FCER1G: variants seen among roughly 807,000 people sequenced by gnomAD.
FCER1G encodes the protein Fc epsilon receptor Ig.
A neutral mutation model predicts 17.3 loss-of-function variants in FCER1G; 7 were observed. The ratio of observed to expected loss-of-function variants is 0.40; its 90% CI spans 0.23 to 0.76. The LOEUF is 0.76. Among genes scored for constraint, FCER1G ranks in the 30% least tolerant of loss-of-function variants. The pLI is 0.35. For missense variants in FCER1G, 87 were observed against 97.7 expected (o/e 0.89, Z 0.46); for synonymous variants, 35 against 38.7 (o/e 0.90, Z 0.35).
intron 1 of FCER1G, 44 bp from the exon 2 acceptor site, chr1:161,217,942 C>T: frequency 7.4e-7 from 1 of 1,345,082 alleles, no homozygotes; most frequent in Non-Finnish European, 1.1e-6. Context: ...GTACCAGATC[C>T]TCCCTGATAC....
In FCER1G at chr1:161,216,307, G is replaced by T. The variant is rs187407187; in HGVS notation, c.49+937G>T. ...AGCCTGGGGGACAGAGTGAGACTCC[G>T]TCTCAAAAAAAAAAAAAAGATTTTA... On this transcript the variant is annotated intron_variant, in intron 1 of 4. Transcript: ENST00000289902. Among the ~76,000 whole-genome samples the T allele has an allele frequency of 7.5e-4, 106 of 140,954 alleles. 1 individual carries two copies. The East Asian group carries it at 0.021, about 28-fold the overall frequency. The allele number at this position is 140,954 out of a possible 152,430, so 92.5% of individuals were successfully genotyped here. A position where few individuals can be genotyped will look rare whatever the true frequency, so the allele number is the denominator to read the frequency against.
chr1:161,218,544 T>C (rs969927542), intron 3 of FCER1G, among the ~76,000 whole-genome samples, 159 bp from the exon 4 acceptor site: 15 of 152,190 alleles, frequency 9.9e-5, no homozygotes, highest in Admixed American at 9.8e-4. Flanking sequence ...TGTAGCCATG[T>C]GGGCAAACAG....
chr1:161,216,419 T>TAGAGAG (rs1188468786), intron 1 of FCER1G, among the ~76,000 whole-genome samples: 1 of 142,486 alleles, frequency 7.0e-6, no homozygotes, highest in East Asian at 2.4e-4. Context: ...CACATATATA[T>TAGAGAG]ATATATATAG....
Position 161,217,991 on chromosome 1 carries a change from C to T in FCER1G, c.55C>T (p.Leu19=). 6.2e-7 allele frequency: 1 copy of T among 1,612,762 alleles called. No homozygotes were observed. Among genetic ancestry groups the T allele is most frequent in the East Asian group, 2.2e-5 (1 of 44,870 alleles). The change falls in exon 2 of 5, where the codon CTG becomes TTG. Residue 19 remains leucine (L), a synonymous_variant. Transcript: ENST00000289902. ...LLLLVEQAAA[L]GEPQLCYILD... Reference sequence around the variant, plus strand: ...GGCATCCTCTATCCCCTCAGCGGCCCTGGGAGAGCCTCAGCTCTGCTATAT... The same window carrying T: ...GGCATCCTCTATCCCCTCAGCGGCCTTGGGAGAGCCTCAGCTCTGCTATAT...
chr1:161,216,377 T>TACAC (rs57711151), intron 1 of FCER1G, among the ~76,000 whole-genome samples: 1,799 of 120,436 alleles, frequency 0.015, 21 homozygotes, highest in African/African-American at 0.031. Flanking sequence ...CACACACACA[T>TACAC]ACACACACAC....
Position 161,219,043 on chromosome 1 carries a change from C to G in FCER1G, c.*100C>G. Reference sequence around the variant, plus strand: ...CTGCATGCCATTAACACCAGCTGGCCCTACCCCTATAATGATCCTGTGTCC... The same window carrying G: ...CTGCATGCCATTAACACCAGCTGGCGCTACCCCTATAATGATCCTGTGTCC... On this transcript the variant is annotated 3_prime_UTR_variant, in exon 5 of 5. Coordinates refer to ENST00000289902, the MANE Select transcript of FCER1G (RefSeq NM_004106.2). The G allele has an allele frequency of 1.2e-6, 1 of 852,920 alleles. No homozygotes were observed. The highest frequency in any genetic ancestry group is 2.0e-6 in the Non-Finnish European group (1 of 500,044). 52.8% of individuals were successfully genotyped at this position (852,920 alleles called of 1,614,324 possible). A position where few individuals can be genotyped will look rare whatever the true frequency, so the allele number is the denominator to read the frequency against.
At chr1:161,218,379 G>A in intron 3 of FCER1G, 103 bp downstream of exon 3, 1 of 964,212 alleles carries the variant, frequency 1.0e-6, no homozygotes, top group Non-Finnish European at 1.7e-6. Context: ...TGCCTCTCAG[G>A]TGCTGATCTG....
chr1:161,218,712 G>A lies in FCER1G; in HGVS notation c.187G>A (p.Gly63Ser), dbSNP rs1326682490. 2.5e-6 allele frequency: 4 copies of A among 1,614,038 alleles called. No individual in the cohort carries two copies. The African/African-American group carries it at 4.0e-5, about 16-fold the overall frequency. The change falls in exon 4 of 5, where the codon GGT becomes AGT. Residue 63 changes from glycine (G) to serine (S), a missense_variant. Transcript: ENST00000289902. ...AAITSYEKSD[G>S]VYTGLSTRNQ... is the part of the protein sequence containing the mutation. Reference sequence around the variant, plus strand: ...TCTTTTGTCTCTGCAGAAATCAGATGGTGTTTACACGGTAAGTGTGCCTAC... The same window carrying A: ...TCTTTTGTCTCTGCAGAAATCAGATAGTGTTTACACGGTAAGTGTGCCTAC...
intron 1 of FCER1G, among the ~76,000 whole-genome samples, chr1:161,216,342 CTCTA>C (rs530290249): frequency 1.2e-3 from 184 of 148,322 alleles, no homozygotes; most frequent in African/African-American, 3.7e-3. Context: ...ACATATATAT[CTCTA>C]TCTATCTATC....
rs1368658247 is a variant in FCER1G at position 161,215,335 on chromosome 1, T to C, written c.14T>C (p.Val5Ala). The stretch of plus-strand genomic sequence containing the variant: ...CTCCAGCCCAAGATGATTCCAGCAG[T>C]GGTCTTGCTCTTACTCCTTTTGGTT... MIPAVVLLLLLLVEQ... is the reference protein window; with the variant it reads MIPAAVLLLLLLVEQ... Residue 5 changes from valine (V) to alanine (A), a missense_variant, in exon 1 of 5, where the codon GTG becomes GCG. Physicochemically the swap from Val to Ala is moderately conservative, Grantham distance 64. Coordinates refer to ENST00000289902, the MANE Select transcript of FCER1G (RefSeq NM_004106.2). 1 of 1,613,664 alleles carries C rather than the reference T, an allele frequency of 6.2e-7. No homozygotes were observed. Among genetic ancestry groups the C allele is most frequent in the Non-Finnish European group, 8.5e-7 (1 of 1,179,756 alleles).
chr1:161,217,331 C>T (rs925521691), intron 1 of FCER1G, among the ~76,000 whole-genome samples: 7 of 151,670 alleles, frequency 4.6e-5, no homozygotes, highest in Non-Finnish European at 8.8e-5. Context: ...GTCATTCCCC[C>T]AGCCTTGTGT....
In FCER1G at chr1:161,218,796, C is replaced by A. The variant is rs970379825; in HGVS notation, c.198+73C>A. 11 of 1,446,972 alleles carry A rather than the reference C, an allele frequency of 7.6e-6. No homozygotes were observed. In the Admixed American group the frequency reaches 1.7e-4, roughly 23 times the overall value. The allele number at this position is 1,446,972 out of a possible 1,614,324, so 89.6% of individuals were successfully genotyped here. ...GGATTTTGAGCGATCTTTGGAAGGC[C>A]GGTGGGGGGAGGGGGGTCCTGTGGA... On this transcript the variant is annotated intron_variant, in intron 4 of 4. Transcript: ENST00000289902.
At chr1:161,216,842 A>T (rs1032882316) in intron 1 of FCER1G, among the ~76,000 whole-genome samples, 1 of 152,174 alleles carries the variant, frequency 6.6e-6, no homozygotes, top group Non-Finnish European at 1.5e-5. Context: ...CCAGCAGCCT[A>T]GCTGAGAAGG....
chr1:161,215,649 G>T (rs1014391437), intron 1 of FCER1G, among the ~76,000 whole-genome samples: 10 of 152,060 alleles, frequency 6.6e-5, no homozygotes, highest in Admixed American at 3.3e-4. Flanking sequence ...CTGGAGTGCA[G>T]TGGCGCAATC....
Position 161,219,110 on chromosome 1 carries a change from C to G in FCER1G, c.*167C>G, listed in dbSNP as rs2102065683. 1.6e-6 allele frequency: 1 copy of G among 618,622 alleles called. No individual in the cohort carries two copies. The highest frequency in any genetic ancestry group is 2.8e-5 in the East Asian group (1 of 36,352). The allele number at this position is 618,622 out of a possible 1,614,324, so 38.3% of individuals were successfully genotyped here. A position where few individuals can be genotyped will look rare whatever the true frequency, so the allele number is the denominator to read the frequency against. On this transcript the variant is annotated 3_prime_UTR_variant, in exon 5 of 5. Transcript: ENST00000289902. The stretch of plus-strand genomic sequence containing the variant: ...AGTGGTTCCTCCTCCCTGTTAAAGA[C>G]TAATGCTCAGATGCTGTTTACGGAT...
chr1:161,216,716 G>C (rs1177525142), intron 1 of FCER1G, among the ~76,000 whole-genome samples: 5 of 152,198 alleles, frequency 3.3e-5, no homozygotes, highest in Admixed American at 3.3e-4. Flanking sequence ...TTCACTCTGT[G>C]TTGTCTGTGC....
Position 161,218,391 on chromosome 1 carries a change from A to G in FCER1G, c.177+115A>G, listed in dbSNP as rs911158663. The stretch of plus-strand genomic sequence containing the variant: ...GCCTGCCTCTCAGGTGCTGATCTGC[A>G]TACACCTCAGAGGCCTCCCTCCCAC... On this transcript the variant is annotated intron_variant, in intron 3 of 4. Transcript: ENST00000289902. 25 of 884,134 alleles carry G rather than the reference A, an allele frequency of 2.8e-5. No individual in the cohort carries two copies. The South Asian group carries it at 3.1e-4, about 11-fold the overall frequency. 54.8% of individuals were successfully genotyped at this position (884,134 alleles called of 1,614,324 possible). A position where few individuals can be genotyped will look rare whatever the true frequency, so the allele number is the denominator to read the frequency against.
At chr1:161,216,271 C>T (rs1571629559) in intron 1 of FCER1G, among the ~76,000 whole-genome samples, 1 of 150,192 alleles carries the variant, frequency 6.7e-6, no homozygotes, top group African/African-American at 2.5e-5. Flanking sequence ...AAGATCGCAC[C>T]ACTGCACTCT....
intron 1 of FCER1G, 112 bp from the exon 2 acceptor site, chr1:161,217,874 A>G (rs1666080204): frequency 1.4e-6 from 1 of 738,738 alleles, no homozygotes; most frequent in East Asian, 2.5e-5. Context: ...CTTCCCTTAG[A>G]CGGCTCCCCT....
Sources: allele counts gnomAD v4.1 joint callset (sites outside exome capture counted in the v4.1 genomes callset), GRCh38; gene constraint gnomAD v4.1.1; transcripts MANE v1.5; gene names NCBI Gene and HGNC (gene_info 2026-07-23, HGNC 2026-07-21).